The following RAC2 variants were observed in gnomAD, a reference collection of about 807,000 sequenced individuals.
RAC2 encodes the protein Rac family small GTPase 2.
Under a neutral mutation model 24.0 loss-of-function variants are expected in RAC2, and 1 was observed. The ratio of observed to expected loss-of-function variants is 0.04; its 90% CI spans 0.01 to 0.20. The LOEUF is 0.20. Ranked by LOEUF, RAC2 falls within the 10% of genes least tolerant of loss-of-function variation. RAC2 has a pLI of 1.00. For missense variants in RAC2, 130 were observed against 259.1 expected, an observed-to-expected ratio of 0.50 and a Z score of 3.42; for synonymous variants, 114 against 106.8, an observed-to-expected ratio of 1.07 and a Z score of -0.41.
chr22:37,242,794 A>G lies in RAC2; in HGVS notation c.36-1136T>C, dbSNP rs143474074. On this transcript the variant is annotated intron_variant, in intron 1 of 6. Coordinates refer to ENST00000249071, the MANE Select transcript of RAC2 (RefSeq NM_002872.5). ...GACAAATGGGCCCGCCCCCACCTAG[A>G]TGGGTCACAGCCAAAGTCGGGGCCA... 8.9e-3 allele frequency among the ~76,000 whole-genome samples: 1,362 copies of G among 152,332 alleles called. 21 individuals carry two copies. The highest frequency in any genetic ancestry group is 0.031 in the African/African-American group (1,287 of 41,572).
intron 2 of RAC2, among the ~76,000 whole-genome samples, chr22:37,240,160 G>A (rs1435173588): frequency 1.3e-5 from 2 of 152,214 alleles, no homozygotes; most frequent in Non-Finnish European, 2.9e-5. Flanking sequence ...GTCTGGGGTT[G>A]GGGGTTGGGT....
In RAC2 at chr22:37,229,303, C is replaced by T. The variant is rs142272949; in HGVS notation, c.448+1928G>A. ...AGAGAGGGCAAGGAGGGTGAGGGGG[C>T]GGTGGGGGCAGTGGAGGTGCAGGGA... On this transcript the variant is annotated intron_variant, in intron 5 of 6. Coordinates refer to ENST00000249071, the MANE Select transcript of RAC2 (RefSeq NM_002872.5). 9.9e-3 allele frequency among the ~76,000 whole-genome samples: 1,507 copies of T among 152,006 alleles called. 20 individuals are homozygous for T. The highest frequency in any genetic ancestry group is 0.012 in the Non-Finnish European group (784 of 67,950).
chr22:37,243,207 T>C (rs1927459492), intron 1 of RAC2, among the ~76,000 whole-genome samples: 1 of 152,152 alleles, frequency 6.6e-6, no homozygotes, highest in African/African-American at 2.4e-5. Context: ...GCTATGATGC[T>C]TAGGCTGGTC....
At chr22:37,227,865 G>A (rs973963871) in intron 5 of RAC2, among the ~76,000 whole-genome samples, 1 of 152,112 alleles carries the variant, frequency 6.6e-6, no homozygotes, top group East Asian at 1.9e-4. Context: ...AGAGACTAAG[G>A]CCTCCAGGGC....
chr22:37,241,336 G>C (rs1927385556), intron 2 of RAC2, among the ~76,000 whole-genome samples: 1 of 152,184 alleles, frequency 6.6e-6, no homozygotes, highest in Admixed American at 6.5e-5. Flanking sequence ...CCTTTGCTTG[G>C]AGGCCCAGCC....
At chr22:37,229,086 C>T (rs959414194) in intron 5 of RAC2, among the ~76,000 whole-genome samples, 1 of 152,216 alleles carries the variant, frequency 6.6e-6, no homozygotes, top group Admixed American at 6.5e-5. Context: ...ACTGCCTTTT[C>T]CCTGGCACCC....
intron 2 of RAC2, among the ~76,000 whole-genome samples, chr22:37,236,029 T>G (rs1927212122): frequency 6.6e-6 from 1 of 152,160 alleles, no homozygotes; most frequent in South Asian, 2.1e-4. Context: ...TCAAGGACCT[T>G]TCTTGTTGGG....
chr22:37,244,196 C>A lies in RAC2; in HGVS notation c.-48G>T, dbSNP rs1406175292. 6.2e-7 allele frequency: 1 copy of A among 1,608,012 alleles called. No homozygotes were observed. On this transcript the variant is annotated 5_prime_UTR_variant, in exon 1 of 7. Coordinates refer to ENST00000249071, the MANE Select transcript of RAC2 (RefSeq NM_002872.5). ...TCGGTGGTGACAGCTCAGGGCCAGG[C>A]GCGTTTCTGCGGGCGCAAGGGGTGT...
intron 1 of RAC2, 88 bp downstream of exon 1, chr22:37,244,026 G>A (rs1242477684): frequency 1.3e-6 from 2 of 1,556,230 alleles, no homozygotes; most frequent in African/African-American, 1.4e-5. Context: ...AGTTCTGCAG[G>A]GCCAGGGGCT....
intron 2 of RAC2, among the ~76,000 whole-genome samples, chr22:37,233,754 G>A (rs1168182080): frequency 2.0e-5 from 3 of 152,232 alleles, no homozygotes; most frequent in African/African-American, 7.2e-5. Context: ...CAGGGCAGGT[G>A]GTTGAGTTGT....
intron 2 of RAC2, 61 bp downstream of exon 2, chr22:37,241,526 G>A: frequency 6.6e-7 from 1 of 1,524,604 alleles, no homozygotes; most frequent in Non-Finnish European, 9.1e-7. Context: ...CTGAAAGGGG[G>A]GTCGACTTGG....
In RAC2 at chr22:37,235,694, C is replaced by T. The variant is rs548100144; in HGVS notation, c.108-2776G>A. Among the ~76,000 whole-genome samples, 45 of 152,326 alleles carry T rather than the reference C, an allele frequency of 3.0e-4. No homozygotes were observed. The South Asian group carries it at 8.7e-3, about 29-fold the overall frequency. On this transcript the variant is annotated intron_variant, in intron 2 of 6. Transcript: ENST00000249071. ...ACACAGTGAGGCATGATGGGAAAAG[C>T]CACACCTGTGTTGTTTTTCCAGTTT...
In RAC2 at chr22:37,231,549, G is replaced by T. The variant is rs1326928750; in HGVS notation, c.289-159C>A. On this transcript the variant is annotated intron_variant, in intron 4 of 6. Coordinates refer to ENST00000249071, the MANE Select transcript of RAC2 (RefSeq NM_002872.5). The surrounding 1 kb of genome is among the most constrained non-coding windows in gnomAD (Gnocchi z 5.5). ...GACGGTGAGGAGAGAGAGACGTGAG[G>T]TGGCACAGGGAGGGGAGGCCACGAC... 8.8e-6 allele frequency: 6 copies of T among 681,080 alleles called. No homozygotes were observed. The highest frequency in any genetic ancestry group is 1.3e-5 in the Non-Finnish European group (5 of 398,168). The allele number at this position is 681,080 out of a possible 1,614,324, so 42.2% of individuals were successfully genotyped here. A position where few individuals can be genotyped will look rare whatever the true frequency, so the allele number is the denominator to read the frequency against.
intron 5 of RAC2, among the ~76,000 whole-genome samples, chr22:37,230,731 G>A (rs912151450): frequency 1.3e-5 from 2 of 152,140 alleles, no homozygotes; most frequent in African/African-American, 4.8e-5. Context: ...GGTGGTGGAA[G>A]GAAATGTGTC....
At chr22:37,242,854 G>C (rs1312266727) in intron 1 of RAC2, among the ~76,000 whole-genome samples, 2 of 152,248 alleles carry the variant, frequency 1.3e-5, no homozygotes, top group African/African-American at 4.8e-5. Flanking sequence ...GTCTCTCAAA[G>C]CCTTGGGCTG....
intron 5 of RAC2, among the ~76,000 whole-genome samples, chr22:37,230,828 C>T (rs1927037238): frequency 6.6e-6 from 1 of 152,160 alleles, no homozygotes; most frequent in African/African-American, 2.4e-5. Context: ...CTCCAAGCAA[C>T]CACAGCACCC....
At position 37,231,583 on chromosome 22, in the gene RAC2, G is replaced by A; in HGVS notation, c.289-193C>T. On this transcript the variant is annotated intron_variant, in intron 4 of 6. Coordinates refer to ENST00000249071, the MANE Select transcript of RAC2 (RefSeq NM_002872.5). The surrounding 1 kb of genome is among the most constrained non-coding windows in gnomAD (Gnocchi z 5.5). ...GGAGGGGAGGCCACGACGTTGTGCA[G>A]GAAGGAGGGGGCGCATGATTGTAGG... 1 of 615,538 alleles carries A rather than the reference G, an allele frequency of 1.6e-6. No homozygotes were observed. The highest frequency in any genetic ancestry group is 2.7e-5 in the East Asian group (1 of 36,398). The allele number at this position is 615,538 out of a possible 1,614,324, so 38.1% of individuals were successfully genotyped here.
chr22:37,242,075 C>T (rs1015333371), intron 1 of RAC2, among the ~76,000 whole-genome samples: 2 of 152,202 alleles, frequency 1.3e-5, no homozygotes, highest in Non-Finnish European at 2.9e-5. Flanking sequence ...ACTTAACCTG[C>T]CTCTGCCTCA....
At position 37,231,339 on chromosome 22, in the gene RAC2, C is replaced by G. The variant is rs1927054492; in HGVS notation, c.340G>C (p.Gly114Arg). The change falls in exon 5 of 7, where the codon GGC becomes CGC. Residue 114 changes from glycine (G) to arginine (R), a missense_variant. Gly to Arg is a moderately radical substitution (Grantham distance 125). Transcript: ENST00000249071. The surrounding 1 kb of genome is among the most constrained non-coding windows in gnomAD (Gnocchi z 5.5). The part of the protein sequence containing the change: ...HCPSTPIILV[G>R]TKLDLRDDKD... Reference sequence around the variant, plus strand: ...TCGTCCCGCAGGTCCAGCTTGGTGCCCACCAGGATGATGGGTGTGCTGGGG... The same window carrying G: ...TCGTCCCGCAGGTCCAGCTTGGTGCGCACCAGGATGATGGGTGTGCTGGGG... 6.2e-7 allele frequency: 1 copy of G among 1,614,134 alleles called. No individual in the cohort carries two copies. Among genetic ancestry groups the G allele is most frequent in the Non-Finnish European group, 8.5e-7 (1 of 1,180,038 alleles).
Sources: gnomAD v4.1 joint callset for allele counts (sites outside exome capture counted in the v4.1 genomes callset) on GRCh38, gnomAD v4.1.1 for gene constraint, Gnocchi (gnomAD v3.1) non-coding constraint, MANE v1.5 for transcripts, NCBI Gene and HGNC (gene_info 2026-07-23, HGNC 2026-07-21) for gene names.